Variants in LRRC8D observed in about 807,000 individuals in gnomAD.
LRRC8D encodes leucine rich repeat containing 8 VRAC subunit D, also known as volume-regulated anion channel subunit LRRC8D.
A neutral mutation model predicts 55.8 loss-of-function variants in LRRC8D; 20 were observed. The observed-to-expected ratio is 0.36, with a 90% confidence interval of 0.25 to 0.52. The LOEUF is 0.52. LRRC8D is among the 20% of genes least tolerant of loss of function. The probability of loss-of-function intolerance (pLI) is 0.93; values close to 1 mark genes in which losing one functional copy is unlikely to be tolerated. For synonymous variants in LRRC8D, 352 were observed against 377.0 expected, an observed-to-expected ratio of 0.93 and a Z score of 0.77; for missense variants, 651 against 1,030.8, an observed-to-expected ratio of 0.63 and a Z score of 5.05.
At chr1:89,890,252 A>C (rs1048121659) in intron 2 of LRRC8D, among the ~76,000 whole-genome samples, 1 of 152,202 alleles carries the variant, frequency 6.6e-6, no homozygotes, top group Non-Finnish European at 1.5e-5. Context: ...AGGAGAGGGC[A>C]GCATACCACA....
Position 89,933,374 on chromosome 1 carries a change from A to G in LRRC8D, c.306A>G (p.Thr102=), listed in dbSNP as rs758611750. Residue 102 remains threonine, a synonymous_variant, in exon 3 of 3, where the codon ACA becomes ACG. Transcript: ENST00000337338. This position sits in a 1 kb window ranked among gnomAD's most constrained non-coding sequence, Gnocchi z 7.0. ...CAACAAACGACATTTCCTTTGGGAC[A>G]TCTGCTGTGACACCTGACATACCTC... The part of the protein sequence containing the change: ...GRTTNDISFG[T]SAVTPDIPLR... 3 of 1,614,204 alleles carry G rather than the reference A, an allele frequency of 1.9e-6. No individual in the cohort carries two copies. Among genetic ancestry groups the G allele is most frequent in the Non-Finnish European group, 2.5e-6 (3 of 1,180,048 alleles).
At chr1:89,864,824 C>T (rs1040192450) in intron 2 of LRRC8D, among the ~76,000 whole-genome samples, 4 of 152,132 alleles carry the variant, frequency 2.6e-5, no homozygotes, top group Non-Finnish European at 4.4e-5. Context: ...CTTCCAGACA[C>T]AAAAAACTTC....
chr1:89,909,651 G>C (rs1474134385), intron 2 of LRRC8D, among the ~76,000 whole-genome samples: 1 of 151,936 alleles, frequency 6.6e-6, no homozygotes, highest in Non-Finnish European at 1.5e-5. Context: ...CGGATCATGA[G>C]GTCAGGAGAT....
chr1:89,883,688 A>G (rs753475905), intron 2 of LRRC8D, among the ~76,000 whole-genome samples: 15 of 152,214 alleles, frequency 9.9e-5, no homozygotes, highest in Non-Finnish European at 1.9e-4. Context: ...GGAGGGGCTA[A>G]TGATAGACCC....
chr1:89,932,945 A>G, intron 2 of LRRC8D, 122 bp from the exon 3 acceptor site: 1 of 754,660 alleles, frequency 1.3e-6, no homozygotes, highest in Non-Finnish European at 2.1e-6. Flanking sequence ...CTACATTTAT[A>G]TTGGATAAAA....
At chr1:89,926,000 T>A (rs1235215448) in intron 2 of LRRC8D, among the ~76,000 whole-genome samples, 2 of 152,258 alleles carry the variant, frequency 1.3e-5, no homozygotes, top group Admixed American at 1.3e-4. Context: ...TAAAGTTATT[T>A]GTAGTTTCTC....
chr1:89,910,048 T>C (rs547995126), intron 2 of LRRC8D, among the ~76,000 whole-genome samples: 143 of 152,272 alleles, frequency 9.4e-4, no homozygotes, highest in Middle Eastern at 3.4e-3. Flanking sequence ...TAGGCCTAAG[T>C]GAGTTGTTTA....
chr1:89,837,274 C>G (rs1661023968), intron 1 of LRRC8D, among the ~76,000 whole-genome samples: 2 of 152,174 alleles, frequency 1.3e-5, no homozygotes, highest in African/African-American at 2.4e-5. Context: ...CAATGTGGCC[C>G]AGGCTCTGCA....
intron 2 of LRRC8D, among the ~76,000 whole-genome samples, chr1:89,845,562 G>A (rs535884937): frequency 1.2e-3 from 182 of 152,202 alleles, no homozygotes; most frequent in African/African-American, 4.2e-3. Context: ...TCAGCCTCCT[G>A]AGTAGCTGAG....
intron 2 of LRRC8D, among the ~76,000 whole-genome samples, chr1:89,896,858 T>C (rs556910499): frequency 6.6e-6 from 1 of 152,326 alleles, no homozygotes; most frequent in African/African-American, 2.4e-5. Context: ...ATTCACATAT[T>C]CTCAAAAAAA....
chr1:89,934,114 A>G lies in LRRC8D; in HGVS notation c.1046A>G (p.Tyr349Cys), dbSNP rs1246349857. 3.1e-6 allele frequency: 5 copies of G among 1,614,110 alleles called. No homozygotes were observed. The highest frequency in any genetic ancestry group is 4.2e-6 in the Non-Finnish European group (5 of 1,180,052). ...CCCAAAGTTGAGCATCTGATTGGTT[A>G]TGAGGTATTTGAGTGCACCCACAAT... ...CKPKVEHLIG[Y>C]EVFECTHNMA... is the part of the protein sequence containing the mutation. The change falls in exon 3 of 3, where the codon TAT becomes TGT. Residue 349 changes from tyrosine (Y) to cysteine (C), a missense_variant. Around this residue, in one of 5 missense-constraint regions of LRRC8D, gnomAD observed 178 missense variants for 374.9 expected, o/e 0.47. Transcript: ENST00000337338. This position sits in a 1 kb window ranked among gnomAD's most constrained non-coding sequence, Gnocchi z 5.9.
At chr1:89,865,475 A>C (rs1661820460) in intron 2 of LRRC8D, among the ~76,000 whole-genome samples, 1 of 151,800 alleles carries the variant, frequency 6.6e-6, no homozygotes, top group African/African-American at 2.4e-5. Context: ...TTTTGCCAAC[A>C]CTAAATCACT....
Position 89,934,683 on chromosome 1 carries a change from T to C in LRRC8D, c.1615T>C (p.Leu539=). 6.2e-7 allele frequency: 1 copy of C among 1,614,196 alleles called. No homozygotes were observed. Among genetic ancestry groups the C allele is most frequent in the South Asian group, 1.1e-5 (1 of 91,072 alleles). Residue 539 remains leucine (L), a synonymous_variant, in exon 3 of 3, where the codon TTG becomes CTG. Coordinates refer to ENST00000337338, the MANE Select transcript of LRRC8D (RefSeq NM_001134479.2). The surrounding 1 kb of genome is among the most constrained non-coding windows in gnomAD (Gnocchi z 5.9). Reference sequence around the variant, plus strand: ...TGCTTTTAGCTTTCTTCGCGATCACTTGAGATGCCTTCACGTGAAGTTCAC... The same window carrying C: ...TGCTTTTAGCTTTCTTCGCGATCACCTGAGATGCCTTCACGTGAAGTTCAC... ...QTAFSFLRDH[L]RCLHVKFTDV... is the part of the protein sequence containing the mutation.
At chr1:89,823,711 TAAC>T (rs1423448669) in intron 1 of LRRC8D, among the ~76,000 whole-genome samples, 2 of 152,306 alleles carry the variant, frequency 1.3e-5, no homozygotes, top group East Asian at 3.9e-4. Context: ...TGTGGGATCT[TAAC>T]AAGGCAGGAG....
intron 2 of LRRC8D, among the ~76,000 whole-genome samples, chr1:89,905,611 C>T (rs1009444900): frequency 1.3e-5 from 2 of 152,176 alleles, no homozygotes; most frequent in Admixed American, 6.5e-5. Context: ...ACTGATGATG[C>T]ACTTTGGAGA....
chr1:89,905,415 T>G (rs1183527588), intron 2 of LRRC8D, among the ~76,000 whole-genome samples: 1 of 152,214 alleles, frequency 6.6e-6, no homozygotes, highest in Non-Finnish European at 1.5e-5. Flanking sequence ...ACAGATTTGT[T>G]TCCCTCTCAC....
chr1:89,829,359 T>G (rs1020925993), intron 1 of LRRC8D, among the ~76,000 whole-genome samples: 1 of 152,204 alleles, frequency 6.6e-6, no homozygotes, highest in Non-Finnish European at 1.5e-5. Context: ...AAAGATAGAC[T>G]TATTCCCACT....
At chr1:89,824,233 T>TA (rs1660712550) in intron 1 of LRRC8D, among the ~76,000 whole-genome samples, 1 of 152,110 alleles carries the variant, frequency 6.6e-6, no homozygotes, top group Non-Finnish European at 1.5e-5. Flanking sequence ...GAATAGGTCT[T>TA]GAAGGGAGGT....
At chr1:89,843,904 C>A in intron 2 of LRRC8D, 122 bp downstream of exon 2, 3 of 517,602 alleles carry the variant, frequency 5.8e-6, no homozygotes, top group Non-Finnish European at 1.0e-5. Context: ...CCCCCCACCA[C>A]TGGCTTCTCA....
Sources: allele counts gnomAD v4.1 joint callset (sites outside exome capture counted in the v4.1 genomes callset), GRCh38; gene constraint gnomAD v4.1.1; regional missense constraint gnomAD v4.1.1; non-coding constraint Gnocchi (gnomAD v3.1); transcripts MANE v1.5; gene names NCBI Gene and HGNC (gene_info 2026-07-23, HGNC 2026-07-21).